Variants in ZNF618 observed in about 807,000 individuals in gnomAD.
ZNF618 encodes neural precursor cell expressed, developmentally down-regulated 10.
Under a neutral mutation model 103.0 loss-of-function variants are expected in ZNF618, and 34 were observed. That is an observed-to-expected ratio of 0.33 (90% CI 0.25 to 0.44). The LOEUF (loss-of-function observed/expected upper bound fraction) is 0.44. Ranked by LOEUF, ZNF618 falls within the 20% of genes least tolerant of loss-of-function variation. The pLI is 1.00. For missense variants in ZNF618, 1,059 were observed against 1,295.4 expected, an observed-to-expected ratio of 0.82 and a Z score of 2.80; for synonymous variants, 551 against 542.2, an observed-to-expected ratio of 1.02 and a Z score of -0.23.
In ZNF618 at chr9:113,990,184, A is replaced by G. The variant is rs551481556; in HGVS notation, c.337+1604A>G. 5.5e-4 allele frequency among the ~76,000 whole-genome samples: 84 copies of G among 152,260 alleles called. 1 individual carries two copies. The Middle Eastern group carries it at 0.014, about 25-fold the overall frequency. On this transcript the variant is annotated intron_variant, in intron 3 of 14. Transcript: ENST00000374126. ...GCCAACTCCAGTGCCACCTCCTCCCAGAAGACTTCCTTGATCTCTTCTGGT... is the reference window on the plus strand; with the variant it reads ...GCCAACTCCAGTGCCACCTCCTCCCGGAAGACTTCCTTGATCTCTTCTGGT...
At chr9:113,966,910 CAG>C (rs1397076285) in intron 1 of ZNF618, among the ~76,000 whole-genome samples, 6 of 152,174 alleles carry the variant, frequency 3.9e-5, no homozygotes, top group Admixed American at 1.3e-4. Flanking sequence ...GGGTGGAAAA[CAG>C]AAATGCATGC....
intron 10 of ZNF618, among the ~76,000 whole-genome samples, chr9:114,019,624 C>T (rs555540650): frequency 6.6e-6 from 1 of 152,318 alleles, no homozygotes; most frequent in Non-Finnish European, 1.5e-5. Context: ...TACTTATTGG[C>T]CACTTACATA....
chr9:113,969,059 A>G, intron 1 of ZNF618, 58 bp from the exon 2 acceptor site: 1 of 1,599,164 alleles, frequency 6.3e-7, no homozygotes, highest in Admixed American at 1.7e-5. Flanking sequence ...GGGTGGCAGC[A>G]GGTCAAATCT....
At position 113,900,950 on chromosome 9, in the gene ZNF618, G is replaced by A. The variant is rs35953808; in HGVS notation, c.33+24537G>A. ...GTCTCCTAGCACCGTCCTCTCCCGC[G>A]AACCCGACCTCCTGTCTCCTAGCAC... On this transcript the variant is annotated intron_variant, in intron 1 of 14. Transcript: ENST00000374126. Among the ~76,000 whole-genome samples the A allele has an allele frequency of 9.2e-3, 227 of 24,764 alleles. 1 individual carries two copies. Among genetic ancestry groups the A allele is most frequent in the Admixed American group, 0.011 (19 of 1,764 alleles). The allele number at this position is 24,764 out of a possible 152,430, so 16.2% of individuals were successfully genotyped here. A position where few individuals can be genotyped will look rare whatever the true frequency, so the allele number is the denominator to read the frequency against.
Position 114,052,122 on chromosome 9 carries a change from CT to C in ZNF618, c.*1956del, listed in dbSNP as rs781711657. 1 of 152,720 alleles carries C rather than the reference CT, an allele frequency of 6.5e-6. No individual in the cohort carries two copies. Among genetic ancestry groups the C allele is most frequent in the African/African-American group, 2.4e-5 (1 of 41,464 alleles). 9.5% of individuals were successfully genotyped at this position (152,720 alleles called of 1,614,324 possible). ...AGCACTGTACCACAGCCCTCTCCCC[CT>C]GGGTCCATGACAGGAGCAGGGAGTA... On this transcript the variant is annotated 3_prime_UTR_variant, in exon 15 of 15. Transcript: ENST00000374126.
chr9:114,008,647 G>T, intron 9 of ZNF618, 93 bp downstream of exon 9: 1 of 1,436,878 alleles, frequency 7.0e-7, no homozygotes, highest in South Asian at 1.2e-5. Context: ...GGTAGCAGTG[G>T]GTGGCATCAC....
At chr9:114,042,433 G>A (rs2134492320) in intron 13 of ZNF618, among the ~76,000 whole-genome samples, 1 of 152,318 alleles carries the variant, frequency 6.6e-6, no homozygotes, top group Non-Finnish European at 1.5e-5. Flanking sequence ...AACACTTTGG[G>A]AAGCTAAGGA....
At chr9:113,891,446 C>T (rs78576010) in intron 1 of ZNF618, among the ~76,000 whole-genome samples, 5,468 of 152,186 alleles carry the variant, frequency 0.036, 566 homozygotes, top group East Asian at 0.3. Flanking sequence ...TCACCTCATA[C>T]CCATTAGTAT....
intron 1 of ZNF618, among the ~76,000 whole-genome samples, chr9:113,884,023 G>T (rs1364629065): frequency 7.5e-6 from 1 of 132,972 alleles, no homozygotes; most frequent in Non-Finnish European, 1.5e-5. Flanking sequence ...GTGAAGGCAG[G>T]ACTTCACCTT....
intron 4 of ZNF618, among the ~76,000 whole-genome samples, chr9:113,999,421 C>T (rs1264331293): frequency 6.6e-6 from 1 of 152,114 alleles, no homozygotes; most frequent in East Asian, 1.9e-4. Context: ...GCTCAGGGTC[C>T]CTCCTACCAG....
intron 1 of ZNF618, among the ~76,000 whole-genome samples, chr9:113,937,876 CT>C (rs58390378): frequency 0.63 from 94,982 of 151,792 alleles, 29,880 homozygotes; most frequent in Admixed American, 0.7. Context: ...AATTATGTGC[CT>C]TTTTTTTGTT....
intron 9 of ZNF618, among the ~76,000 whole-genome samples, chr9:114,014,660 A>T (rs1842514008): frequency 6.6e-6 from 1 of 152,278 alleles, no homozygotes; most frequent in South Asian, 2.1e-4. Flanking sequence ...TATTTATGCC[A>T]GACAAACTAA....
intron 1 of ZNF618, among the ~76,000 whole-genome samples, chr9:113,919,474 T>C (rs1299166534): frequency 6.6e-6 from 1 of 152,232 alleles, no homozygotes; most frequent in Non-Finnish European, 1.5e-5. Context: ...GAATTGTATG[T>C]GTGTGTGCAT....
intron 6 of ZNF618, 143 bp from the exon 7 acceptor site, chr9:114,007,207 T>G: frequency 1.5e-6 from 1 of 679,790 alleles, no homozygotes; most frequent in Admixed American, 2.7e-5. Context: ...TTTCCTCATG[T>G]GTAAAATGAG....
In ZNF618 at chr9:114,044,034, TGCTGAA is replaced by T. The variant is rs1161362571; in HGVS notation, c.1247-3855_1247-3850del. 1.4e-4 allele frequency among the ~76,000 whole-genome samples: 22 copies of T among 152,354 alleles called. No individual in the cohort carries two copies. In the East Asian group the frequency reaches 3.7e-3, roughly 25 times the overall value. On this transcript the variant is annotated intron_variant, in intron 13 of 14. Transcript: ENST00000374126. Reference sequence around the variant, plus strand: ...ACTCTGCTGATTATTTCTTTTGCTGTGCTGAAGCTTTTGTGTTTAAGTCCCATCTAT... The same window carrying T: ...ACTCTGCTGATTATTTCTTTTGCTGTGCTTTTGTGTTTAAGTCCCATCTAT...
At chr9:113,946,069 T>C (rs534938062) in intron 1 of ZNF618, among the ~76,000 whole-genome samples, 7 of 152,278 alleles carry the variant, frequency 4.6e-5, no homozygotes, top group Non-Finnish European at 4.4e-5. Context: ...TGTCCTGCCT[T>C]TTCTTCTAGA....
chr9:113,927,603 C>T (rs909120531), intron 1 of ZNF618, among the ~76,000 whole-genome samples: 8 of 152,164 alleles, frequency 5.3e-5, no homozygotes, highest in Non-Finnish European at 1.2e-4. Flanking sequence ...GACAGGAAGG[C>T]TAGAGGAGTC....
intron 6 of ZNF618, 82 bp downstream of exon 6, chr9:114,002,744 C>T (rs941898633): frequency 2.0e-5 from 30 of 1,497,868 alleles, no homozygotes; most frequent in Non-Finnish European, 2.5e-5. Context: ...TCCCCTCCCC[C>T]AGAACTGCTC....
At chr9:114,035,061 CT>C in intron 12 of ZNF618, 1 of 571,914 alleles carries the variant, frequency 1.7e-6, no homozygotes, top group Non-Finnish European at 2.2e-6. Flanking sequence ...GATTGTGAGC[CT>C]TCCTCTCGGA....
Sources: allele counts gnomAD v4.1 joint callset (sites outside exome capture counted in the v4.1 genomes callset), GRCh38; gene constraint gnomAD v4.1.1; transcripts MANE v1.5; gene names NCBI Gene and HGNC (gene_info 2026-07-23, HGNC 2026-07-21).